Variants in GALNTL6 observed in about 807,000 individuals in gnomAD.
GALNTL6 encodes polypeptide N-acetylgalactosaminyltransferase like 6, also known as polypeptide N-acetylgalactosaminyltransferase-like 6.
In GALNTL6, 46 loss-of-function variants were observed where a neutral mutation model predicts 73.7. The ratio of observed to expected loss-of-function variants is 0.62; its 90% CI spans 0.49 to 0.80. The LOEUF (loss-of-function observed/expected upper bound fraction) is 0.80, where lower values mean the gene tolerates loss of function less well. Among genes scored for constraint, GALNTL6 ranks in the 30% least tolerant of loss-of-function variants. The probability of loss-of-function intolerance (pLI) is 0.00; values close to 1 mark genes in which losing one functional copy is unlikely to be tolerated. For missense variants in GALNTL6, 604 were observed against 755.0 expected (o/e 0.80, Z 2.34); for synonymous variants, 259 against 263.7 (o/e 0.98, Z 0.17).
chr4:172,203,210 A>G (rs1736009824), intron 2 of GALNTL6, among the ~76,000 whole-genome samples: 1 of 152,182 alleles, frequency 6.6e-6, no homozygotes, highest in Non-Finnish European at 1.5e-5. Context: ...TATATTGGTT[A>G]TGTTGTTATG....
At chr4:172,586,617 T>C (rs1737420797) in intron 5 of GALNTL6, among the ~76,000 whole-genome samples, 1 of 152,012 alleles carries the variant, frequency 6.6e-6, no homozygotes, top group Non-Finnish European at 1.5e-5. Context: ...CAGGGAATGG[T>C]GAATAAACCA....
chr4:172,045,576 G>A (rs1424014678), intron 2 of GALNTL6, among the ~76,000 whole-genome samples: 1 of 151,640 alleles, frequency 6.6e-6, no homozygotes, highest in African/African-American at 2.4e-5. Flanking sequence ...TACATACTTT[G>A]GTATTTATAG....
At chr4:172,821,535 A>T (rs1741928809) in intron 7 of GALNTL6, among the ~76,000 whole-genome samples, 1 of 152,226 alleles carries the variant, frequency 6.6e-6, no homozygotes, top group Non-Finnish European at 1.5e-5. Context: ...TCTTATCATT[A>T]GACCAAACTA....
chr4:172,744,279 A>G (rs1415342507), intron 5 of GALNTL6, among the ~76,000 whole-genome samples: 1 of 152,142 alleles, frequency 6.6e-6, no homozygotes, highest in African/African-American at 2.4e-5. Flanking sequence ...ATCACTTTAG[A>G]GCCAGTGACT....
intron 5 of GALNTL6, among the ~76,000 whole-genome samples, chr4:172,441,442 A>T (rs1340499742): frequency 6.6e-6 from 1 of 152,136 alleles, no homozygotes; most frequent in African/African-American, 2.4e-5. Context: ...TCACAGAATT[A>T]AGCATGCACA....
chr4:172,168,683 T>C (rs1010829810), intron 2 of GALNTL6, among the ~76,000 whole-genome samples: 3 of 151,892 alleles, frequency 2.0e-5, no homozygotes, highest in Non-Finnish European at 2.9e-5. Context: ...GATGGTGACA[T>C]AATAATGATG....
At chr4:172,487,300 G>C (rs6817941) in intron 5 of GALNTL6, among the ~76,000 whole-genome samples, 2 of 118,630 alleles carry the variant, frequency 1.7e-5, no homozygotes, top group Non-Finnish European at 3.5e-5. Flanking sequence ...CTTTCCTTCT[G>C]TCTTTCTTTC....
chr4:172,291,925 ATAGT>A (rs986267429), intron 3 of GALNTL6, among the ~76,000 whole-genome samples: 4 of 152,300 alleles, frequency 2.6e-5, no homozygotes, highest in African/African-American at 9.6e-5. Flanking sequence ...AAAAATAACC[ATAGT>A]TAGGGATGAT....
intron 2 of GALNTL6, among the ~76,000 whole-genome samples, chr4:172,028,848 T>C (rs1277835920): frequency 2.0e-5 from 3 of 152,054 alleles, no homozygotes; most frequent in African/African-American, 7.2e-5. Context: ...TGTAAAAGTA[T>C]TTTAAAGCTG....
At chr4:172,298,805 G>C (rs895254792) in intron 3 of GALNTL6, among the ~76,000 whole-genome samples, 1 of 152,132 alleles carries the variant, frequency 6.6e-6, no homozygotes, top group African/African-American at 2.4e-5. Context: ...CGATGTTCAT[G>C]AGGGATATTG....
intron 5 of GALNTL6, among the ~76,000 whole-genome samples, chr4:172,662,330 A>T (rs954211578): frequency 6.6e-6 from 1 of 152,314 alleles, no homozygotes; most frequent in East Asian, 1.9e-4. Flanking sequence ...GACATCTTGA[A>T]GGACTGCCCT....
intron 7 of GALNTL6, among the ~76,000 whole-genome samples, chr4:172,862,587 C>G (rs1404927954): frequency 6.6e-6 from 1 of 152,094 alleles, no homozygotes; most frequent in Non-Finnish European, 1.5e-5. Context: ...GTAGTCCCAG[C>G]TACTCAGGAG....
chr4:172,288,129 C>T (rs1045515901), intron 3 of GALNTL6, among the ~76,000 whole-genome samples: 10 of 148,654 alleles, frequency 6.7e-5, no homozygotes, highest in African/African-American at 2.3e-4. Flanking sequence ...TTCACTCTCT[C>T]TCCCAGGCTG....
At chr4:172,481,005 T>C (rs1179578773) in intron 5 of GALNTL6, among the ~76,000 whole-genome samples, 3 of 152,154 alleles carry the variant, frequency 2.0e-5, no homozygotes, top group African/African-American at 7.2e-5. Context: ...TGTCCAAAAT[T>C]GGTGGGTTCT....
At chr4:172,789,285 G>A (rs1686983001) in intron 5 of GALNTL6, among the ~76,000 whole-genome samples, 1 of 152,140 alleles carries the variant, frequency 6.6e-6, no homozygotes, top group African/African-American at 2.4e-5. Context: ...CAGAACTCAG[G>A]GAAACATGTA....
At chr4:172,643,308 A>G (rs1225137790) in intron 5 of GALNTL6, among the ~76,000 whole-genome samples, 1 of 152,012 alleles carries the variant, frequency 6.6e-6, no homozygotes, top group African/African-American at 2.4e-5. Context: ...TTAATTAATT[A>G]TAAGGCCACA....
chr4:171,963,808 T>C (rs756102157), intron 2 of GALNTL6, among the ~76,000 whole-genome samples: 8 of 152,178 alleles, frequency 5.3e-5, no homozygotes, highest in Non-Finnish European at 1.0e-4. Flanking sequence ...AAGGCCTATA[T>C]GTTAGGAGTG....
intron 7 of GALNTL6, among the ~76,000 whole-genome samples, chr4:172,818,195 G>T (rs1227843059): frequency 6.6e-6 from 1 of 152,166 alleles, no homozygotes; most frequent in Non-Finnish European, 1.5e-5. Context: ...CAGTATATCA[G>T]GTACCCAGGC....
intron 5 of GALNTL6, among the ~76,000 whole-genome samples, chr4:172,616,555 GT>G (rs1203436124): frequency 4.7e-5 from 4 of 84,288 alleles, no homozygotes; most frequent in Admixed American, 1.1e-4. Flanking sequence ...TTTTTGCAAA[GT>G]TTTTTTTTCC....
Sources: allele counts gnomAD v4.1 joint callset (sites outside exome capture counted in the v4.1 genomes callset), GRCh38; gene constraint gnomAD v4.1.1; transcripts MANE v1.5; gene names NCBI Gene and HGNC (gene_info 2026-07-23, HGNC 2026-07-21).